Variants in ARMH3 observed in about 807,000 individuals in gnomAD.
The protein encoded by ARMH3 is armadillo-like helical domain-containing protein 3.
ARMH3 carries 60 observed loss-of-function variants against 99.1 expected under a neutral mutation model. The observed-to-expected ratio is 0.61, with a 90% CI of 0.49 to 0.75. The LOEUF is 0.75. Among genes scored for constraint, ARMH3 ranks in the 30% least tolerant of loss-of-function variants. The pLI is 0.00. For missense variants in ARMH3, 679 were observed against 843.1 expected (o/e 0.81, Z 2.41); for synonymous variants, 285 against 292.8 (o/e 0.97, Z 0.27).
intron 24 of ARMH3, among the ~76,000 whole-genome samples, chr10:101,865,578 T>C (rs1012808458): frequency 2.6e-5 from 4 of 152,192 alleles, no homozygotes; most frequent in African/African-American, 4.8e-5. Flanking sequence ...AGCCTCTGCA[T>C]CCCAGATTCA....
intron 23 of ARMH3, among the ~76,000 whole-genome samples, chr10:101,896,315 TG>T (rs1413398433): frequency 6.6e-6 from 1 of 152,152 alleles, no homozygotes; most frequent in African/African-American, 2.4e-5. Flanking sequence ...ACATTGCTGG[TG>T]GAAGTGTAAA....
At chr10:102,026,522 G>C (rs1385299364) in intron 5 of ARMH3, among the ~76,000 whole-genome samples, 2 of 152,144 alleles carry the variant, frequency 1.3e-5, no homozygotes, top group East Asian at 1.9e-4. Context: ...AATTCAATAG[G>C]AATTGGGGAG....
chr10:101,995,450 T>C (rs1847013086), intron 15 of ARMH3, 95 bp from the exon 16 acceptor site: 3 of 1,021,162 alleles, frequency 2.9e-6, no homozygotes, highest in Non-Finnish European at 2.9e-6. Context: ...AAAGGAAACA[T>C]TCACACTTTC....
chr10:102,018,544 A>G (rs1416641690), intron 8 of ARMH3, among the ~76,000 whole-genome samples: 1 of 152,174 alleles, frequency 6.6e-6, no homozygotes, highest in Non-Finnish European at 1.5e-5. Context: ...AAAAATCCCT[A>G]TAACCTAGTG....
At chr10:102,055,802 G>T (rs1443462121) in intron 1 of ARMH3, among the ~76,000 whole-genome samples, 1 of 152,232 alleles carries the variant, frequency 6.6e-6, no homozygotes, top group Non-Finnish European at 1.5e-5. Context: ...GCCCCGCAGG[G>T]ATGCGGGAGA....
intron 24 of ARMH3, among the ~76,000 whole-genome samples, chr10:101,851,175 C>T (rs970653317): frequency 5.9e-5 from 9 of 152,100 alleles, no homozygotes; most frequent in South Asian, 2.1e-4. Context: ...ATTTTCTATG[C>T]GGGGAGGATT....
chr10:101,878,485 A>T (rs2067324573), intron 24 of ARMH3, among the ~76,000 whole-genome samples: 1 of 151,714 alleles, frequency 6.6e-6, no homozygotes, highest in Middle Eastern at 3.2e-3. Flanking sequence ...ATCAAAAAAA[A>T]AAAAATAGCC....
rs1402901607 is a variant in ARMH3 at position 101,847,603 on chromosome 10, G to A, written c.1995C>T (p.Thr665=). Residue 665 remains threonine, a synonymous_variant, in exon 26 of 26, where the codon ACC becomes ACT. Coordinates refer to ENST00000370033, the MANE Select transcript of ARMH3 (RefSeq NM_024541.3). The part of the protein sequence containing the change: ...FFKELVRSIS[T]NVRRNLAFHT... ...GGAAGGCCAGGTTTCTCCGGACGTT[G>A]GTGCTAATGGATCGAACCTGGGAAA... is the stretch of plus-strand genomic sequence containing the variant. 15 of 1,614,058 alleles carry A rather than the reference G, an allele frequency of 9.3e-6. No homozygotes were observed. Among genetic ancestry groups the A allele is most frequent in the African/African-American group, 1.3e-5 (1 of 74,940 alleles).
At chr10:101,989,412 T>C (rs1247639869) in intron 19 of ARMH3, among the ~76,000 whole-genome samples, 1 of 151,962 alleles carries the variant, frequency 6.6e-6, no homozygotes, top group African/African-American at 2.4e-5. Context: ...CCTCCAGTTG[T>C]GCTCATTATA....
intron 22 of ARMH3, among the ~76,000 whole-genome samples, chr10:101,943,231 C>G (rs1206898479): frequency 6.6e-6 from 1 of 152,204 alleles, no homozygotes; most frequent in Non-Finnish European, 1.5e-5. Context: ...CCTTACATCT[C>G]TTGCAGACAC....
intron 14 of ARMH3, among the ~76,000 whole-genome samples, chr10:102,002,724 C>A (rs986644133): frequency 2.6e-5 from 4 of 151,810 alleles, no homozygotes; most frequent in Non-Finnish European, 5.9e-5. Flanking sequence ...ACTTTGGGAG[C>A]CCGAGTTGGG....
chr10:102,011,104 C>T (rs2066619754), intron 11 of ARMH3, among the ~76,000 whole-genome samples: 1 of 152,126 alleles, frequency 6.6e-6, no homozygotes, highest in African/African-American at 2.4e-5. Context: ...AAAATCAGTC[C>T]CAGATTATCT....
intron 2 of ARMH3, among the ~76,000 whole-genome samples, chr10:102,036,116 G>A (rs1409255902): frequency 6.7e-6 from 1 of 148,266 alleles, no homozygotes; most frequent in Non-Finnish European, 1.5e-5. Context: ...GGAGGGAGGT[G>A]GGGGGCAGCC....
chr10:101,932,087 A>G (rs1389773256), intron 23 of ARMH3, among the ~76,000 whole-genome samples: 1 of 152,210 alleles, frequency 6.6e-6, no homozygotes, highest in Non-Finnish European at 1.5e-5. Context: ...TTAAAAAATG[A>G]GCAGAAGACT....
chr10:101,957,523 A>G, intron 21 of ARMH3, 127 bp downstream of exon 21: 1 of 1,068,206 alleles, frequency 9.4e-7, no homozygotes, highest in African/African-American at 1.6e-5. Flanking sequence ...ATTCGGATCC[A>G]AAAAATATAT....
chr10:102,050,762 C>T (rs943241380), intron 1 of ARMH3, among the ~76,000 whole-genome samples: 2 of 150,818 alleles, frequency 1.3e-5, no homozygotes, highest in African/African-American at 4.9e-5. Context: ...GATGCTGAGG[C>T]ACGAGAATTG....
intron 15 of ARMH3, among the ~76,000 whole-genome samples, chr10:101,995,889 T>C (rs997552807): frequency 6.6e-6 from 1 of 152,236 alleles, no homozygotes; most frequent in African/African-American, 2.4e-5. Context: ...GAACTCTTGA[T>C]CATTTTTCTT....
At chr10:102,042,986 C>T (rs9419934) in intron 1 of ARMH3, among the ~76,000 whole-genome samples, 1,727 of 152,244 alleles carry the variant, frequency 0.011, 32 homozygotes, top group African/African-American at 0.04. Context: ...GCAGGAGAAT[C>T]GCTTGAACCT....
At chr10:101,868,811 C>T (rs1203639274) in intron 24 of ARMH3, among the ~76,000 whole-genome samples, 3 of 152,128 alleles carry the variant, frequency 2.0e-5, no homozygotes, top group Non-Finnish European at 4.4e-5. Context: ...GTGGCTCACG[C>T]CTATAATCCC....
Sources: allele counts gnomAD v4.1 joint callset (sites outside exome capture counted in the v4.1 genomes callset), GRCh38; gene constraint gnomAD v4.1.1; transcripts MANE v1.5; gene names NCBI Gene and HGNC (gene_info 2026-07-23, HGNC 2026-07-21).